HLF: variants seen among roughly 807,000 people sequenced by gnomAD.
HLF encodes the protein HLF transcription factor, PAR bZIP family member, also known as hepatic leukemia factor.
Under a neutral mutation model 22.6 loss-of-function variants are expected in HLF, and 3 were observed. That is an observed-to-expected ratio of 0.13 (90% confidence interval 0.06 to 0.34). HLF has a LOEUF of 0.34. Among genes scored for constraint, HLF ranks in the 10% least tolerant of loss-of-function variants. The probability of loss-of-function intolerance (pLI) is 1.00; values close to 1 mark genes in which losing one functional copy is unlikely to be tolerated. For missense variants in HLF, 299 were observed against 389.2 expected (o/e 0.77, Z 1.95); for synonymous variants, 151 against 151.8 (o/e 0.99, Z 0.04).
At chr17:55,280,252 G>A (rs2080941638) in intron 2 of HLF, among the ~76,000 whole-genome samples, 1 of 152,242 alleles carries the variant, frequency 6.6e-6, no homozygotes, top group East Asian at 1.9e-4. Flanking sequence ...CTGCTTTTGA[G>A]TTATTGCAGG....
In HLF at chr17:55,320,440, G is replaced by C. The variant is rs1905224204; in HGVS notation, c.673-224G>C. On this transcript the variant is annotated intron_variant, in intron 3 of 3. Transcript: ENST00000226067. This position sits in a 1 kb window ranked among gnomAD's most constrained non-coding sequence, Gnocchi z 4.2. ...GCACGCCTCTGCTGGGCAAAGAGTA[G>C]GAGCCTGTTGGGACAGATCGGTGGG... Among the ~76,000 whole-genome samples the C allele has an allele frequency of 6.6e-6, 1 of 152,320 alleles. No individual in the cohort carries two copies. Among genetic ancestry groups the C allele is most frequent in the Admixed American group, 6.5e-5 (1 of 15,302 alleles).
chr17:55,278,805 G>A (rs947411960), intron 2 of HLF, among the ~76,000 whole-genome samples: 1 of 152,156 alleles, frequency 6.6e-6, no homozygotes, highest in African/African-American at 2.4e-5. Context: ...GACCATGCAG[G>A]CTTTTACTAG....
At chr17:55,266,574 A>T (rs185173735) in intron 1 of HLF, among the ~76,000 whole-genome samples, 67 of 152,326 alleles carry the variant, frequency 4.4e-4, no homozygotes, top group Admixed American at 2.4e-3. Context: ...AGAGTTTGCA[A>T]TCTGCAGATG....
chr17:55,273,625 C>A (rs1256789683), intron 2 of HLF: 2 of 152,294 alleles, frequency 1.3e-5, no homozygotes, highest in Non-Finnish European at 2.9e-5. Flanking sequence ...CAGCCACTGT[C>A]TGGGTGCCCA....
chr17:55,285,122 G>T (rs933806924), intron 2 of HLF, among the ~76,000 whole-genome samples: 1 of 152,162 alleles, frequency 6.6e-6, no homozygotes, highest in Admixed American at 6.5e-5. Flanking sequence ...ATAGAGAGTT[G>T]ACTGCATTTG....
chr17:55,267,728 T>G, intron 1 of HLF, 23 bp from the exon 2 acceptor site: 5 of 1,481,038 alleles, frequency 3.4e-6, no homozygotes, highest in Non-Finnish European at 4.6e-6. Flanking sequence ...TTTTTTTAAG[T>G]CCAGCTTTCC....
At chr17:55,298,041 C>T (rs1450884894) in intron 2 of HLF, among the ~76,000 whole-genome samples, 2 of 152,060 alleles carry the variant, frequency 1.3e-5, no homozygotes, top group Non-Finnish European at 2.9e-5. Flanking sequence ...TGAGCCACCG[C>T]GCCCAGCCAG....
At chr17:55,307,278 C>G (rs890196198) in intron 2 of HLF, among the ~76,000 whole-genome samples, 1 of 151,208 alleles carries the variant, frequency 6.6e-6, no homozygotes, top group Non-Finnish European at 1.5e-5. Flanking sequence ...CTCAGCCTCC[C>G]AAGTAGCTGG....
At chr17:55,281,220 T>C (rs888997609) in intron 2 of HLF, among the ~76,000 whole-genome samples, 1 of 152,206 alleles carries the variant, frequency 6.6e-6, no homozygotes, top group African/African-American at 2.4e-5. Context: ...CCATCAAATA[T>C]CTCTGAGTCG....
intron 3 of HLF, chr17:55,318,986 C>T (rs780488617): frequency 6.6e-6 from 1 of 152,522 alleles, no homozygotes; most frequent in Non-Finnish European, 1.5e-5. Context: ...CATTGCACAC[C>T]TGCCCTAGCT....
At chr17:55,285,381 G>T (rs1218940846) in intron 2 of HLF, among the ~76,000 whole-genome samples, 1 of 152,106 alleles carries the variant, frequency 6.6e-6, no homozygotes, top group African/African-American at 2.4e-5. Context: ...GGATTCCATG[G>T]ATTGTTTTCA....
At position 55,310,348 on chromosome 17, in the gene HLF, C is replaced by G. The variant is rs1252503550; in HGVS notation, c.452-4879C>G. On this transcript the variant is annotated intron_variant, in intron 2 of 3. Coordinates refer to ENST00000226067, the MANE Select transcript of HLF (RefSeq NM_002126.5). ...ATACCAAGCTCAGACTTAACAAATA[C>G]AGGAGAAAAAATGGCATGATTATCT... Among the ~76,000 whole-genome samples, 4 of 152,076 alleles carry G rather than the reference C, an allele frequency of 2.6e-5. No individual in the cohort carries two copies. The East Asian group carries it at 7.7e-4, about 29-fold the overall frequency.
At chr17:55,313,159 G>T (rs964056772) in intron 2 of HLF, among the ~76,000 whole-genome samples, 1 of 152,158 alleles carries the variant, frequency 6.6e-6, no homozygotes, top group Non-Finnish European at 1.5e-5. Flanking sequence ...GTCAAGAAAG[G>T]TTCCACCTGA....
At chr17:55,312,807 A>C (rs1224606058) in intron 2 of HLF, among the ~76,000 whole-genome samples, 1 of 152,242 alleles carries the variant, frequency 6.6e-6, no homozygotes, top group Non-Finnish European at 1.5e-5. Flanking sequence ...TCATTTAAAA[A>C]ATTAATGATG....
chr17:55,319,555 C>T (rs979757357), intron 3 of HLF, among the ~76,000 whole-genome samples: 2 of 151,358 alleles, frequency 1.3e-5, no homozygotes, highest in East Asian at 3.9e-4. Context: ...AGGGAGGCAG[C>T]AGTGGGGGTG....
chr17:55,266,376 A>T (rs1312827473), intron 1 of HLF: 1 of 152,194 alleles, frequency 6.6e-6, no homozygotes, highest in Non-Finnish European at 1.5e-5. Context: ...GGTACGTGTG[A>T]TGAGGCCCCA....
chr17:55,286,316 C>A, intron 2 of HLF, among the ~76,000 whole-genome samples: 1 of 152,032 alleles, frequency 6.6e-6, no homozygotes, highest in Middle Eastern at 3.4e-3. Flanking sequence ...CTTTACCTCT[C>A]GATAGTACCC....
intron 2 of HLF, among the ~76,000 whole-genome samples, chr17:55,303,755 C>T (rs1904407889): frequency 6.6e-6 from 1 of 152,120 alleles, no homozygotes; most frequent in East Asian, 1.9e-4. Context: ...CTCTCTGCAT[C>T]CTCATGGATG....
At chr17:55,279,727 C>T (rs756596073) in intron 2 of HLF, among the ~76,000 whole-genome samples, 8 of 152,198 alleles carry the variant, frequency 5.3e-5, no homozygotes, top group South Asian at 4.1e-4. Flanking sequence ...ACCACAAGTG[C>T]GTATTAGTGA....
Sources: gnomAD v4.1 joint callset for allele counts (sites outside exome capture counted in the v4.1 genomes callset) on GRCh38, gnomAD v4.1.1 for gene constraint, Gnocchi (gnomAD v3.1) non-coding constraint, MANE v1.5 for transcripts, NCBI Gene and HGNC (gene_info 2026-07-23, HGNC 2026-07-21) for gene names.